HCAR3: variants seen among roughly 807,000 people sequenced by gnomAD.
The protein encoded by HCAR3 is hydroxycarboxylic acid receptor 3, also known as G-protein coupled receptor 109B.
For missense variants in HCAR3, 404 were observed against 501.2 expected (o/e 0.81, Z 1.85); for synonymous variants, 167 against 201.0 (o/e 0.83, Z 1.43).
rs530689261 is a variant in HCAR3 at position 122,714,832 on chromosome 12, G to C, written c.*742C>G. ...CACAAGCGAAGGAACCAGGAGGAAC[G>C]TGCACCCCTCTACCCGTGGGGCAGA... On this transcript the variant is annotated 3_prime_UTR_variant, in exon 1 of 1. Coordinates refer to ENST00000528880, the MANE Select transcript of HCAR3 (RefSeq NM_006018.3). The C allele has an allele frequency of 6.7e-6, 1 of 148,660 alleles. No individual in the cohort carries two copies. The highest frequency in any genetic ancestry group is 1.5e-5 in the Non-Finnish European group (1 of 67,304). The allele number at this position is 148,660 out of a possible 1,614,324, so 9.2% of individuals were successfully genotyped here.
rs971360984 is a variant in HCAR3 at position 122,715,068 on chromosome 12, C to G, written c.*506G>C. The G allele has an allele frequency of 6.1e-6, 1 of 162,732 alleles. No individual in the cohort carries two copies. The highest frequency in any genetic ancestry group is 1.4e-5 in the Non-Finnish European group (1 of 73,270). The allele number at this position is 162,732 out of a possible 1,614,324, so 10.1% of individuals were successfully genotyped here. A position where few individuals can be genotyped will look rare whatever the true frequency, so the allele number is the denominator to read the frequency against. The stretch of plus-strand genomic sequence containing the variant: ...GGGGCTAATCCCCTATTACACCCAC[C>G]GGAAACACAGATACTAACCAAAGCA... On this transcript the variant is annotated 3_prime_UTR_variant, in exon 1 of 1. Transcript: ENST00000528880.
rs376177871 is a variant in HCAR3, at chr12:122,716,372, C to G, written c.366G>C (p.Ala122=). The change falls in exon 1 of 1, where the codon GCG becomes GCC. Residue 122 remains alanine (A), a synonymous_variant. Transcript: ENST00000528880. ...GGACCACCCGGAAATACCTGTCTAC[C>G]GCCACCACCGTGAGGAATATGATGC... ...QGSIIFLTVV[A]VDRYFRVVHP... 19 of 1,613,898 alleles carry G rather than the reference C, an allele frequency of 1.2e-5. No individual in the cohort carries two copies. Among genetic ancestry groups the G allele is most frequent in the Non-Finnish European group, 1.6e-5 (19 of 1,179,964 alleles).
Position 122,715,543 on chromosome 12 carries a change from T to G in HCAR3, c.*31A>C. On this transcript the variant is annotated 3_prime_UTR_variant, in exon 1 of 1. Coordinates refer to ENST00000528880, the MANE Select transcript of HCAR3 (RefSeq NM_006018.3). ...AATCAGATTCTCTGAATCTGGAAGT[T>G]CCAGGAAATCTTAGGCCGAGTCCAG... 4.6e-6 allele frequency: 7 copies of G among 1,534,086 alleles called. No homozygotes were observed. The highest frequency in any genetic ancestry group is 6.1e-6 in the Non-Finnish European group (7 of 1,139,918).
chr12:122,716,212 C>G lies in HCAR3; in HGVS notation c.526G>C (p.Val176Leu). Residue 176 changes from valine to leucine, a missense_variant, in exon 1 of 1, where the codon GTG becomes CTG. Physicochemically the swap from Val to Leu is conservative, Grantham distance 32. Coordinates refer to ENST00000528880, the MANE Select transcript of HCAR3 (RefSeq NM_006018.3). ...KLLIQNGTAN[V>L]CISFSICHTF... ...TGGCAGATGCTGAAGCTGATGCACA[C>G]ATTTGCAGTGCCATTCTGGATCAGC... 4 of 1,613,522 alleles carry G rather than the reference C, an allele frequency of 2.5e-6. No individual in the cohort carries two copies. The South Asian group carries it at 4.4e-5, about 18-fold the overall frequency.
chr12:122,715,076 C>G lies in HCAR3; in HGVS notation c.*498G>C, dbSNP rs1212161406. 1 of 163,918 alleles carries G rather than the reference C, an allele frequency of 6.1e-6. No homozygotes were observed. The highest frequency in any genetic ancestry group is 5.6e-5 in the Admixed American group (1 of 17,950). 10.2% of individuals were successfully genotyped at this position (163,918 alleles called of 1,614,324 possible). A position where few individuals can be genotyped will look rare whatever the true frequency, so the allele number is the denominator to read the frequency against. On this transcript the variant is annotated 3_prime_UTR_variant, in exon 1 of 1. Transcript: ENST00000528880. ...TCCCCTATTACACCCACCGGAAACA[C>G]AGATACTAACCAAAGCATGTGAGTC...
In HCAR3 at chr12:122,716,319, G is replaced by C; in HGVS notation, c.419C>G (p.Ser140Cys). 1 of 1,614,102 alleles carries C rather than the reference G, an allele frequency of 6.2e-7. No individual in the cohort carries two copies. The highest frequency in any genetic ancestry group is 8.5e-7 in the Non-Finnish European group (1 of 1,180,016). The change falls in exon 1 of 1, where the codon TCC (serine) becomes TGC (cysteine). Residue 140 changes from serine to cysteine, a missense_variant. Coordinates refer to ENST00000528880, the MANE Select transcript of HCAR3 (RefSeq NM_006018.3). The part of the protein sequence containing the change: ...VHPHHALNKI[S>C]NWTAAIISCL... ...AGAGATGATGGCTGCTGTCCAATTGGAGATCTTGTTCAGGGCGTGGTGGGG... is the reference window on the plus strand; with the variant it reads ...AGAGATGATGGCTGCTGTCCAATTGCAGATCTTGTTCAGGGCGTGGTGGGG...
Position 122,715,784 on chromosome 12 carries a change from T to C in HCAR3, c.954A>G (p.Thr318=). 6.2e-7 allele frequency: 1 copy of C among 1,604,154 alleles called. No homozygotes were observed. The highest frequency in any genetic ancestry group is 8.5e-7 in the Non-Finnish European group (1 of 1,174,908). The change falls in exon 1 of 1, where the codon ACA becomes ACG. Residue 318 remains threonine, a synonymous_variant. Coordinates refer to ENST00000528880, the MANE Select transcript of HCAR3 (RefSeq NM_006018.3). ...TGCTGCGGTTATTATCTGGCTCACC[T>C]GTTATCTTCCTCTGGAGGCAGCGGT... is the stretch of plus-strand genomic sequence containing the variant. ...LINRCLQRKI[T]GEPDNNRSTS...
At position 122,715,670 on chromosome 12, in the gene HCAR3, A is replaced by T; in HGVS notation, c.1068T>A (p.Ser356=). ...IANSGEPWSP[S]YLGPTSNNHS... ...GGTTATTTGAGGTTGGGCCCAGATAAGAGGGGCTCCATGGCTCACCGGAGT... is the reference window on the plus strand; with the variant it reads ...GGTTATTTGAGGTTGGGCCCAGATATGAGGGGCTCCATGGCTCACCGGAGT... Residue 356 remains serine, a synonymous_variant, in exon 1 of 1, where the codon TCT becomes TCA. Transcript: ENST00000528880. 6.2e-7 allele frequency: 1 copy of T among 1,613,980 alleles called. No homozygotes were observed. Among genetic ancestry groups the T allele is most frequent in the Non-Finnish European group, 8.5e-7 (1 of 1,180,002 alleles).
Position 122,716,126 on chromosome 12 carries a change from G to C in HCAR3, c.612C>G (p.Ile204Met). 6.2e-7 allele frequency: 1 copy of C among 1,613,906 alleles called. No homozygotes were observed. The highest frequency in any genetic ancestry group is 8.5e-7 in the Non-Finnish European group (1 of 1,179,976). The change falls in exon 1 of 1, where the codon ATC (isoleucine) becomes ATG (methionine). Residue 204 changes from isoleucine to methionine, a missense_variant. Coordinates refer to ENST00000528880, the MANE Select transcript of HCAR3 (RefSeq NM_006018.3). ...AGATAATTCTGGCTGAGCAGAACAG[G>C]ATGATGCCCAGGGGCAGGAAGAACT... Reference protein sequence around the residue: ...LLEFFLPLGIILFCSARIIWS... With the variant: ...LLEFFLPLGIMLFCSARIIWS...
Position 122,716,405 on chromosome 12 carries a change from G to C in HCAR3, c.333C>G (p.Arg111=), listed in dbSNP as rs1877551515. ...RLVLFMFAMN[R]QGSIIFLTVV... Reference sequence around the variant, plus strand: ...CCGTGAGGAATATGATGCTGCCCTGGCGGTTCATGGCAAACATGAAGAGCA... The same window carrying C: ...CCGTGAGGAATATGATGCTGCCCTGCCGGTTCATGGCAAACATGAAGAGCA... Residue 111 remains arginine, a synonymous_variant, in exon 1 of 1, where the codon CGC becomes CGG. Coordinates refer to ENST00000528880, the MANE Select transcript of HCAR3 (RefSeq NM_006018.3). 1.9e-6 allele frequency: 3 copies of C among 1,614,048 alleles called. No individual in the cohort carries two copies. The highest frequency in any genetic ancestry group is 2.5e-6 in the Non-Finnish European group (3 of 1,180,016).
chr12:122,716,682 C>G lies in HCAR3; in HGVS notation c.56G>C (p.Cys19Ser). 1.9e-6 allele frequency: 3 copies of G among 1,614,136 alleles called. No individual in the cohort carries two copies. Among genetic ancestry groups the G allele is most frequent in the Non-Finnish European group, 2.5e-6 (3 of 1,180,036 alleles). Residue 19 changes from cysteine to serine, a missense_variant, in exon 1 of 1, where the codon TGT becomes TCT. Cys to Ser is a moderately radical substitution (Grantham distance 112, BLOSUM62 -1). Transcript: ENST00000528880. ...HFLEIDKKNC[C>S]VFRDDFIAKV... The stretch of plus-strand genomic sequence containing the variant: ...GGCAATGAAGTCATCTCGGAACACA[C>G]AGCAGTTCTTCTTGTCTATTTCCAG...
rs548742154 is a variant in HCAR3 at position 122,715,996 on chromosome 12, C to G, written c.742G>C (p.Val248Leu). 7 of 1,577,354 alleles carry G rather than the reference C, an allele frequency of 4.4e-6. No homozygotes were observed. The Admixed American group carries it at 6.8e-5, about 15-fold the overall frequency. ...IVFVICFLPS[V>L]VVRIHIFWLL... ...CAGAAGATGTGGATCCGCACAACCA[C>G]GCTGGGAAGGAAGCAGATGACAAAG... is the stretch of plus-strand genomic sequence containing the variant. The change falls in exon 1 of 1, where the codon GTG (valine) becomes CTG (leucine). Residue 248 changes from valine to leucine, a missense_variant. By Grantham distance (32) the Val-to-Leu change is conservative (BLOSUM62 1). Coordinates refer to ENST00000528880, the MANE Select transcript of HCAR3 (RefSeq NM_006018.3).
rs202161035 is a variant in HCAR3, at chr12:122,716,314, A to G, written c.424T>C (p.Trp142Arg). Residue 142 changes from tryptophan to arginine, a missense_variant, in exon 1 of 1, where the codon TGG becomes CGG. Transcript: ENST00000528880. ...PHHALNKISN[W>R]TAAIISCLLW... ...AGGCAAGAGATGATGGCTGCTGTCC[A>G]ATTGGAGATCTTGTTCAGGGCGTGG... 2.0e-3 allele frequency: 3,293 copies of G among 1,613,690 alleles called. 78 individuals are homozygous for G. In the South Asian group the frequency reaches 0.029, roughly 14 times the overall value.
Position 122,715,717 on chromosome 12 carries a change from C to T in HCAR3, c.1021G>A (p.Ala341Thr), listed in dbSNP as rs371201756. 2.9e-5 allele frequency: 47 copies of T among 1,609,140 alleles called. No homozygotes were observed. The highest frequency in any genetic ancestry group is 9.4e-5 in the African/African-American group (7 of 74,188). ...GAGTTGGCGATTAACGCCTCTGGAG[C>T]GCCTCTGGTTTTGTTGGGGTCCCCT... ...LTGDPNKTRG[A>T]PEALIANSGE... Residue 341 changes from alanine to threonine, a missense_variant, in exon 1 of 1, where the codon GCT becomes ACT. Physicochemically the swap from Ala to Thr is moderately conservative, Grantham distance 58 (BLOSUM62 0). Coordinates refer to ENST00000528880, the MANE Select transcript of HCAR3 (RefSeq NM_006018.3).
In HCAR3 at chr12:122,715,996, C is replaced by T. The variant is rs548742154; in HGVS notation, c.742G>A (p.Val248Met). ...IVFVICFLPSVVVRIHIFWLL... is the reference protein window; with the variant it reads ...IVFVICFLPSMVVRIHIFWLL... Reference sequence around the variant, plus strand: ...CAGAAGATGTGGATCCGCACAACCACGCTGGGAAGGAAGCAGATGACAAAG... The same window carrying T: ...CAGAAGATGTGGATCCGCACAACCATGCTGGGAAGGAAGCAGATGACAAAG... Residue 248 changes from valine (V) to methionine (M), a missense_variant, in exon 1 of 1, where the codon GTG (valine) becomes ATG (methionine). By Grantham distance (21) the Val-to-Met change is conservative. Coordinates refer to ENST00000528880, the MANE Select transcript of HCAR3 (RefSeq NM_006018.3). The T allele has an allele frequency of 2.0e-5, 31 of 1,577,234 alleles. No homozygotes were observed. In the East Asian group the frequency reaches 2.2e-4, roughly 11 times the overall value.
rs780732393 is a variant in HCAR3, at chr12:122,716,355, C to T, written c.383G>A (p.Arg128Gln). The change falls in exon 1 of 1, where the codon CGG becomes CAG. Residue 128 changes from arginine to glutamine, a missense_variant. Physicochemically the swap from Arg to Gln is conservative, Grantham distance 43 (BLOSUM62 1). Coordinates refer to ENST00000528880, the MANE Select transcript of HCAR3 (RefSeq NM_006018.3). ...CAGGGCGTGGTGGGGATGGACCACC[C>T]GGAAATACCTGTCTACCGCCACCAC... The part of the protein sequence containing the change: ...LTVVAVDRYF[R>Q]VVHPHHALNK... 29 of 1,613,894 alleles carry T rather than the reference C, an allele frequency of 1.8e-5. No individual in the cohort carries two copies. Among genetic ancestry groups the T allele is most frequent in the South Asian group, 1.1e-4 (10 of 91,078 alleles).
rs758520042 is a variant in HCAR3, at chr12:122,716,086, T to C, written c.652A>G (p.Arg218Gly). The C allele has an allele frequency of 4.3e-6, 7 of 1,612,452 alleles. No individual in the cohort carries two copies. Among genetic ancestry groups the C allele is most frequent in the Non-Finnish European group, 5.9e-6 (7 of 1,179,084 alleles). Residue 218 changes from arginine to glycine, a missense_variant, in exon 1 of 1, where the codon AGA (arginine) becomes GGA (glycine). Physicochemically the swap from Arg to Gly is moderately radical, Grantham distance 125 (BLOSUM62 -2). Coordinates refer to ENST00000528880, the MANE Select transcript of HCAR3 (RefSeq NM_006018.3). ...ATCTTGGCATGCCGGTCCATTTGTC[T>C]CTGCCGCAGGCTCCAGATAATTCTG... ...SARIIWSLRQ[R>G]QMDRHAKIKR...
rs61955032 is a variant in HCAR3, at chr12:122,715,279, C to A, written c.*295G>T. 9.6e-6 allele frequency: 3 copies of A among 312,068 alleles called. No homozygotes were observed. The highest frequency in any genetic ancestry group is 3.6e-5 in the South Asian group (1 of 28,040). 19.3% of individuals were successfully genotyped at this position (312,068 alleles called of 1,614,324 possible). On this transcript the variant is annotated 3_prime_UTR_variant, in exon 1 of 1. Transcript: ENST00000528880. Reference sequence around the variant, plus strand: ...CTCACAAGCAGGCTAGATATCACCCCAGGAGCTGAGCCCCCTCCAGTCTGA... The same window carrying A: ...CTCACAAGCAGGCTAGATATCACCCAAGGAGCTGAGCCCCCTCCAGTCTGA...
At position 122,716,744 on chromosome 12, in the gene HCAR3, A is replaced by G. The variant is rs3825156; in HGVS notation, c.-7T>C. On this transcript the variant is annotated 5_prime_UTR_variant, in exon 1 of 1. Transcript: ENST00000528880. ...GCAGATGGTGCCGATTCATGAGTGC[A>G]GCTAGTGAGTCCGATGGAGCGCCTC... The G allele has an allele frequency of 0.33, 524,417 of 1,596,470 alleles. 91,907 individuals carry two copies. Among genetic ancestry groups the G allele is most frequent in the Non-Finnish European group, 0.36 (417,558 of 1,165,108 alleles).
Sources: gnomAD v4.1 joint callset for allele counts on GRCh38, gnomAD v4.1.1 for gene constraint, MANE v1.5 for transcripts, NCBI Gene and HGNC (gene_info 2026-07-23, HGNC 2026-07-21) for gene names.